Variants in RUVBL1 observed in about 807,000 individuals in gnomAD.
RUVBL1 encodes the protein ruvB-like 1.
RUVBL1 carries 4 observed loss-of-function variants against 52.4 expected under a neutral mutation model. That is an observed-to-expected ratio of 0.08 (90% CI 0.04 to 0.17). The LOEUF is 0.17. RUVBL1 is among the 10% of genes least tolerant of loss of function. The pLI, the probability that RUVBL1 is intolerant of heterozygous loss-of-function variation, is 1.00. For missense variants in RUVBL1, 298 were observed against 572.8 expected (o/e 0.52, Z 4.90); for synonymous variants, 217 against 214.4 (o/e 1.01, Z -0.10).
downstream of RUVBL1, among the ~76,000 whole-genome samples, chr3:128,079,322 A>C (rs1942410509): frequency 6.6e-6 from 1 of 152,230 alleles, no homozygotes; most frequent in African/African-American, 2.4e-5. Flanking sequence ...TATGGCCCCC[A>C]GGAGTTAGGA....
rs149946023 is a variant in RUVBL1, at chr3:128,144,841, C to G, written c.-40+8362G>C. On this transcript the variant is annotated intron_variant, in intron 1 of 9. Transcript: ENST00000464873. Reference sequence around the variant, plus strand: ...CCTGTAGGGGATCCCCTGGTCCCTCCTTCCCCCCATTCTTGGGGTGGGCTC... The same window carrying G: ...CCTGTAGGGGATCCCCTGGTCCCTCGTTCCCCCCATTCTTGGGGTGGGCTC... 6.5e-3 allele frequency among the ~76,000 whole-genome samples: 993 copies of G among 152,316 alleles called. 9 individuals are homozygous for G. Among genetic ancestry groups the G allele is most frequent in the African/African-American group, 0.022 (931 of 41,574 alleles).
chr3:128,072,829 C>T (rs938303628), intron 9 of RUVBL1, among the ~76,000 whole-genome samples: 20 of 152,200 alleles, frequency 1.3e-4, no homozygotes, highest in African/African-American at 4.6e-4. Flanking sequence ...GCCCACATTC[C>T]AGCAGCCACG....
At position 128,087,721 on chromosome 3, in the gene RUVBL1, T is replaced by A; in HGVS notation, c.1104A>T (p.Pro368=). Residue 368 remains proline (P), a synonymous_variant, in exon 9 of 11, where the codon CCA becomes CCT. Coordinates refer to ENST00000322623, the MANE Select transcript of RUVBL1 (RefSeq NM_003707.3). ...GGAGGCTCACCTGTTTCATTTCCTG[T>A]GGAGTATACAGCATGGTCCGGATTA... ...VMIIRTMLYT[P]QEMKQIIKIR... 1 of 1,613,128 alleles carries A rather than the reference T, an allele frequency of 6.2e-7. No homozygotes were observed. The highest frequency in any genetic ancestry group is 8.5e-7 in the Non-Finnish European group (1 of 1,179,360).
chr3:128,073,911 T>C (rs1942238721), intron 9 of RUVBL1, among the ~76,000 whole-genome samples: 3 of 152,334 alleles, frequency 2.0e-5, no homozygotes, highest in Middle Eastern at 3.4e-3. Context: ...GGACATTCTT[T>C]ATATGTTGAG....
At chr3:128,080,447 CCCGACAAACATGA>C (rs1268988197), downstream of RUVBL1, among the ~76,000 whole-genome samples, 1 of 152,194 alleles carries the variant, frequency 6.6e-6, no homozygotes, top group Non-Finnish European at 1.5e-5. Flanking sequence ...AGTGAGAAGA[CCCGACAAACATGA>C]CCTCAGCCAA....
chr3:128,107,852 C>T (rs144818560), intron 3 of RUVBL1, among the ~76,000 whole-genome samples: 107 of 152,246 alleles, frequency 7.0e-4, no homozygotes, highest in African/African-American at 2.3e-3. Flanking sequence ...TATCCCACAG[C>T]GATAAATTCC....
In RUVBL1 at chr3:128,123,743, TA is replaced by T; in HGVS notation, c.-20del. The stretch of plus-strand genomic sequence containing the variant: ...TCTTCATTTTGCAGACGCCGGGAGC[TA>T]AAACCAGCGTGGAAAACCAGCAGCT... On this transcript the variant is annotated 5_prime_UTR_variant, in exon 1 of 11. Coordinates refer to ENST00000322623, the MANE Select transcript of RUVBL1 (RefSeq NM_003707.3). The T allele has an allele frequency of 1.3e-6, 2 of 1,587,734 alleles. No homozygotes were observed. Among genetic ancestry groups the T allele is most frequent in the African/African-American group, 1.3e-5 (1 of 74,608 alleles).
intron 4 of RUVBL1, among the ~76,000 whole-genome samples, chr3:128,102,516 G>GA (rs1402475189): frequency 6.6e-5 from 10 of 152,134 alleles, no homozygotes; most frequent in East Asian, 3.9e-4. Flanking sequence ...AGCTATGGTG[G>GA]AAAAAAAACT....
At chr3:128,088,747 C>T (rs1309693685) in intron 8 of RUVBL1, among the ~76,000 whole-genome samples, 5 of 151,564 alleles carry the variant, frequency 3.3e-5, no homozygotes, top group South Asian at 2.1e-4. Context: ...GGAGTACAGG[C>T]GTGAGCTACT....
chr3:128,096,965 C>T (rs1332232203), intron 8 of RUVBL1, among the ~76,000 whole-genome samples: 7 of 152,156 alleles, frequency 4.6e-5, no homozygotes, highest in Non-Finnish European at 8.8e-5. Flanking sequence ...CCTCTCAGAG[C>T]GCAGATGAAG....
chr3:128,078,625 T>C (rs771891003), downstream of RUVBL1: 4 of 151,988 alleles, frequency 2.6e-5, no homozygotes, highest in Non-Finnish European at 5.9e-5. Flanking sequence ...ACTTTAATAT[T>C]ACAACAATTT....
At position 128,130,882 on chromosome 3, in the gene RUVBL1, C is replaced by T. The variant is rs1001022943; in HGVS notation, c.-39-11468G>A. ...ATCCAGGATGGTCTCGATCTCCTGA[C>T]GTCGTGATCTGCCCACCTCGGCCTC... On this transcript the variant is annotated intron_variant, in intron 1 of 9. Transcript: ENST00000464873. Among the ~76,000 whole-genome samples, 6 of 152,008 alleles carry T rather than the reference C, an allele frequency of 3.9e-5. No individual in the cohort carries two copies. In the East Asian group the frequency reaches 7.8e-4, roughly 20 times the overall value.
At chr3:128,107,873 A>G (rs1321545189) in intron 3 of RUVBL1, among the ~76,000 whole-genome samples, 1 of 152,230 alleles carries the variant, frequency 6.6e-6, no homozygotes, top group East Asian at 1.9e-4. Flanking sequence ...TTCAAATGGA[A>G]TGCTTACTTA....
chr3:128,122,829 T>C (rs1373290752), intron 1 of RUVBL1, among the ~76,000 whole-genome samples: 1 of 152,170 alleles, frequency 6.6e-6, no homozygotes, highest in African/African-American at 2.4e-5. Flanking sequence ...AGGTTTACCG[T>C]TACTAAAACG....
chr3:128,133,575 A>T (rs981315468), intron 1 of RUVBL1, among the ~76,000 whole-genome samples: 1 of 152,226 alleles, frequency 6.6e-6, no homozygotes, highest in Non-Finnish European at 1.5e-5. Context: ...AAAGTACGGG[A>T]AGAGAACAAG....
At chr3:128,066,586 C>T (rs1464516882) in intron 9 of RUVBL1, 1 of 232,954 alleles carries the variant, frequency 4.3e-6, no homozygotes, top group East Asian at 1.1e-4. Flanking sequence ...CCACACCCGG[C>T]CAGTTTTGTT....
chr3:128,069,673 C>T (rs760011525), intron 9 of RUVBL1: 26 of 1,613,126 alleles, frequency 1.6e-5, no homozygotes, highest in Admixed American at 1.0e-4. Flanking sequence ...GCCCGTCTCC[C>T]GGACAGGTTG....
Position 128,081,059 on chromosome 3 carries a change from G to A in RUVBL1, c.*191C>T. The stretch of plus-strand genomic sequence containing the variant: ...TATAGAAAACACACCAGGTAAGGAA[G>A]GGTTCTTTCAAAGCAACCACAGGAA... On this transcript the variant is annotated 3_prime_UTR_variant, in exon 11 of 11. Coordinates refer to ENST00000322623, the MANE Select transcript of RUVBL1 (RefSeq NM_003707.3). This position sits in a 1 kb window ranked among gnomAD's most constrained non-coding sequence, Gnocchi z 4.8. 1 of 537,944 alleles carries A rather than the reference G, an allele frequency of 1.9e-6. No individual in the cohort carries two copies. Among genetic ancestry groups the A allele is most frequent in the Non-Finnish European group, 3.3e-6 (1 of 307,210 alleles). 33.3% of individuals were successfully genotyped at this position (537,944 alleles called of 1,614,324 possible).
At chr3:128,087,028 G>A (rs904410031) in intron 9 of RUVBL1, among the ~76,000 whole-genome samples, 1 of 152,256 alleles carries the variant, frequency 6.6e-6, no homozygotes, top group African/African-American at 2.4e-5. Context: ...TCCTTCAGGT[G>A]CTCTTCTAAG....
Sources: gnomAD v4.1 joint callset for allele counts (sites outside exome capture counted in the v4.1 genomes callset) on GRCh38, gnomAD v4.1.1 for gene constraint, Gnocchi (gnomAD v3.1) non-coding constraint, MANE v1.5 for transcripts, NCBI Gene and HGNC (gene_info 2026-07-23, HGNC 2026-07-21) for gene names.